TMEM63C: variants seen among roughly 807,000 people sequenced by gnomAD.
The protein encoded by TMEM63C is transmembrane protein 63C, also known as osmosensitive cation channel TMEM63C.
Under a neutral mutation model 99.2 loss-of-function variants are expected in TMEM63C, and 32 were observed. The ratio of observed to expected loss-of-function variants is 0.32; its 90% CI spans 0.24 to 0.43. The LOEUF is 0.43. TMEM63C is among the 20% of genes least tolerant of loss of function. The pLI is 1.00. For missense variants in TMEM63C, 826 were observed against 1,053.0 expected (o/e 0.78, Z 2.98); for synonymous variants, 376 against 397.9 (o/e 0.94, Z 0.66).
chr14:77,252,680 G>C (rs1156923347), intron 22 of TMEM63C, among the ~76,000 whole-genome samples: 1 of 152,248 alleles, frequency 6.6e-6, no homozygotes, highest in Non-Finnish European at 1.5e-5. Flanking sequence ...CTGATTTTAA[G>C]GACTGACACA....
chr14:77,215,677 C>T (rs1244352047), intron 2 of TMEM63C, among the ~76,000 whole-genome samples: 4 of 151,410 alleles, frequency 2.6e-5, no homozygotes, highest in African/African-American at 4.9e-5. Context: ...TGGCTGCCGC[C>T]GCCACTCCTG....
intron 1 of TMEM63C, among the ~76,000 whole-genome samples, chr14:77,192,729 T>G (rs1888131043): frequency 6.6e-6 from 1 of 151,620 alleles, no homozygotes; most frequent in African/African-American, 2.4e-5. Flanking sequence ...GTCACATAAG[T>G]ACTCCAGCCT....
chr14:77,191,664 C>T (rs1372970789), intron 1 of TMEM63C, among the ~76,000 whole-genome samples: 1 of 151,386 alleles, frequency 6.6e-6, no homozygotes, highest in Non-Finnish European at 1.5e-5. Flanking sequence ...CCTGCCTCAG[C>T]CTCCCAAGTA....
Position 77,256,868 on chromosome 14 carries a change from C to A in TMEM63C, c.*142C>A. ...ACAGTGGAGACATCCACCACCCCAG[C>A]CATGGGCCATACGGGGGTCCTGACC... On this transcript the variant is annotated 3_prime_UTR_variant, in exon 24 of 24. Coordinates refer to ENST00000298351, the MANE Select transcript of TMEM63C (RefSeq NM_020431.4). The A allele has an allele frequency of 1.3e-6, 1 of 771,550 alleles. No individual in the cohort carries two copies. The highest frequency in any genetic ancestry group is 2.0e-6 in the Non-Finnish European group (1 of 488,394). The allele number at this position is 771,550 out of a possible 1,614,324, so 47.8% of individuals were successfully genotyped here.
At chr14:77,234,015 G>A (rs1888992063) in intron 8 of TMEM63C, among the ~76,000 whole-genome samples, 2 of 152,166 alleles carry the variant, frequency 1.3e-5, no homozygotes, top group Admixed American at 6.5e-5. Context: ...CATTGGGGAA[G>A]AGCTGGTGGA....
At chr14:77,214,234 T>G (rs1888542331) in intron 2 of TMEM63C, among the ~76,000 whole-genome samples, 1 of 152,206 alleles carries the variant, frequency 6.6e-6, no homozygotes, top group Non-Finnish European at 1.5e-5. Context: ...TTAAGAGCCC[T>G]GTGAAGTGGG....
At chr14:77,247,495 C>G (rs981283604) in intron 18 of TMEM63C, among the ~76,000 whole-genome samples, 2 of 152,040 alleles carry the variant, frequency 1.3e-5, no homozygotes, top group Non-Finnish European at 2.9e-5. Context: ...GCCACCACAC[C>G]CAACCAATAT....
At position 77,238,786 on chromosome 14, in the gene TMEM63C, G is replaced by A. The variant is rs1372243735; in HGVS notation, c.725+19G>A. On this transcript the variant is annotated intron_variant, in intron 10 of 23. Transcript: ENST00000298351. Reference sequence around the variant, plus strand: ...ATTTTCAGTAAGTGGGTTGGGGTAGGCCAAGGCGTGGATTGCTTCCTCCCC... The same window carrying A: ...ATTTTCAGTAAGTGGGTTGGGGTAGACCAAGGCGTGGATTGCTTCCTCCCC... The A allele has an allele frequency of 6.2e-7, 1 of 1,604,790 alleles. No homozygotes were observed. Among genetic ancestry groups the A allele is most frequent in the Non-Finnish European group, 8.5e-7 (1 of 1,171,638 alleles).
In TMEM63C at chr14:77,239,505, C is replaced by CG. The variant is rs765746000; in HGVS notation, c.806+17dup. On this transcript the variant is annotated intron_variant, in intron 11 of 23. Coordinates refer to ENST00000298351, the MANE Select transcript of TMEM63C (RefSeq NM_020431.4). ...TGGACGATCAGAGGTGAGGCTGCAG[C>CG]GGGGCCTTTTGGGGCCCGGGGTGGG... 2 of 1,613,032 alleles carry CG rather than the reference C, an allele frequency of 1.2e-6. No homozygotes were observed. The highest frequency in any genetic ancestry group is 2.7e-5 in the African/African-American group (2 of 74,994).
chr14:77,238,819 C>T lies in TMEM63C; in HGVS notation c.725+52C>T, dbSNP rs377654602. 37 of 1,447,898 alleles carry T rather than the reference C, an allele frequency of 2.6e-5. No homozygotes were observed. In the African/African-American group the frequency reaches 2.8e-4, roughly 11 times the overall value. The allele number at this position is 1,447,898 out of a possible 1,614,324, so 89.7% of individuals were successfully genotyped here. ...GTGGATTGCTTCCTCCCCATAACCC[C>T]GCCTGGGTCCTCAAGTGGGTAGTGA... On this transcript the variant is annotated intron_variant, in intron 10 of 23. Coordinates refer to ENST00000298351, the MANE Select transcript of TMEM63C (RefSeq NM_020431.4).
intron 1 of TMEM63C, among the ~76,000 whole-genome samples, chr14:77,195,375 C>T (rs141912198): frequency 6.6e-4 from 101 of 152,216 alleles, no homozygotes; most frequent in Middle Eastern, 3.4e-3. Flanking sequence ...GGAAAGGGAC[C>T]GATGATCCCT....
intron 7 of TMEM63C, among the ~76,000 whole-genome samples, chr14:77,233,236 C>T (rs553181138): frequency 1.8e-4 from 28 of 152,234 alleles, no homozygotes; most frequent in African/African-American, 6.3e-4. Flanking sequence ...GAAGTGTTCT[C>T]GCTTTCCTCC....
At chr14:77,219,911 G>T in intron 4 of TMEM63C, 95 bp from the exon 5 acceptor site, 1 of 1,202,984 alleles carries the variant, frequency 8.3e-7, no homozygotes, top group Non-Finnish European at 1.2e-6. Context: ...CAGAGCAGAG[G>T]GCAGCCCTCA....
intron 6 of TMEM63C, among the ~76,000 whole-genome samples, chr14:77,229,281 C>A (rs1028981715): frequency 1.3e-5 from 2 of 151,846 alleles, no homozygotes; most frequent in African/African-American, 4.8e-5. Context: ...CCTGTAATCC[C>A]AGCTATTTGG....
chr14:77,188,056 C>G (rs760522128), intron 1 of TMEM63C, among the ~76,000 whole-genome samples: 1 of 152,206 alleles, frequency 6.6e-6, no homozygotes, highest in East Asian at 1.9e-4. Context: ...GCAAATCAAA[C>G]GTGCCCTGGA....
At chr14:77,194,559 C>CTT (rs1203953000) in intron 1 of TMEM63C, among the ~76,000 whole-genome samples, 6 of 117,682 alleles carry the variant, frequency 5.1e-5, no homozygotes, top group African/African-American at 1.8e-4. Context: ...CTTTCTCTTT[C>CTT]TTTCTTTCTG....
chr14:77,241,771 T>C (rs1170269794), intron 13 of TMEM63C, among the ~76,000 whole-genome samples: 1 of 152,246 alleles, frequency 6.6e-6, no homozygotes, highest in South Asian at 2.1e-4. Flanking sequence ...TAAGGTTATA[T>C]TGTTCATTCT....
intron 1 of TMEM63C, among the ~76,000 whole-genome samples, chr14:77,190,891 C>A (rs994568697): frequency 6.6e-6 from 1 of 151,744 alleles, no homozygotes; most frequent in Non-Finnish European, 1.5e-5. Flanking sequence ...CAAGCCAACA[C>A]AAATTTTGGA....
chr14:77,239,367 C>T (rs1159731142), intron 10 of TMEM63C, 45 bp from the exon 11 acceptor site: 1 of 1,603,940 alleles, frequency 6.2e-7, no homozygotes, highest in Non-Finnish European at 8.5e-7. Flanking sequence ...GGCAGCACAT[C>T]CCCAACCCCA....
Sources: gnomAD v4.1 joint callset for allele counts (sites outside exome capture counted in the v4.1 genomes callset) on GRCh38, gnomAD v4.1.1 for gene constraint, MANE v1.5 for transcripts, NCBI Gene and HGNC (gene_info 2026-07-23, HGNC 2026-07-21) for gene names.